Variants in NRDE2 observed in about 807,000 individuals in gnomAD.
NRDE2 encodes NRDE-2, necessary for RNA interference, domain containing.
Under a neutral mutation model 124.2 loss-of-function variants are expected in NRDE2, and 76 were observed. The observed-to-expected ratio is 0.61, with a 90% confidence interval of 0.51 to 0.74. The LOEUF (loss-of-function observed/expected upper bound fraction) is 0.74, where lower values mean the gene tolerates loss of function less well. NRDE2 is among the 30% of genes least tolerant of loss of function. The probability of loss-of-function intolerance (pLI) is 0.00; values close to 1 mark genes in which losing one functional copy is unlikely to be tolerated. For synonymous variants in NRDE2, 489 were observed against 528.1 expected (o/e 0.93, Z 1.01); for missense variants, 1,314 against 1,417.3 (o/e 0.93, Z 1.17).
At position 90,288,273 on chromosome 14, in the gene NRDE2, C is replaced by T; in HGVS notation, c.3102G>A (p.Trp1034Ter). The change falls in exon 11 of 14, where the codon TGG becomes TGA. Residue 1034 changes from tryptophan (W) to a stop codon, truncating the protein, a stop_gained. Coordinates refer to ENST00000354366, the MANE Select transcript of NRDE2 (RefSeq NM_017970.4). LOFTEE classifies it high-confidence loss of function. ...ITRSAKPLEP[W>*]LFAIEAEKLR... ...GTTTCTCAGCTTCAATTGCAAACAA[C>T]CAAGGCTCCAAGGGTTTGGCAGACC... 6.2e-7 allele frequency: 1 copy of T among 1,614,168 alleles called. No individual in the cohort carries two copies. Among genetic ancestry groups the T allele is most frequent in the South Asian group, 1.1e-5 (1 of 91,078 alleles).
intron 3 of NRDE2, among the ~76,000 whole-genome samples, chr14:90,314,659 T>A (rs1281748472): frequency 6.6e-6 from 1 of 152,178 alleles, no homozygotes. Context: ...ACAATTAAAG[T>A]AGCTTGCTTT....
At position 90,278,250 on chromosome 14, in the gene NRDE2, AAC is replaced by A. The variant is rs1891850752; in HGVS notation, c.*84_*85del. The A allele has an allele frequency of 4.6e-6, 7 of 1,521,980 alleles. No individual in the cohort carries two copies. Among genetic ancestry groups the A allele is most frequent in the Non-Finnish European group, 6.3e-6 (7 of 1,104,028 alleles). The allele number at this position is 1,521,980 out of a possible 1,614,324, so 94.3% of individuals were successfully genotyped here. ...AACATTTCAAAAGCCGAGTTCTCCT[AAC>A]ACACACGTTCTCTGCTCGCGCCTCC... On this transcript the variant is annotated 3_prime_UTR_variant, in exon 14 of 14. Transcript: ENST00000354366.
chr14:90,298,471 C>T, intron 7 of NRDE2, 91 bp from the exon 8 acceptor site: 1 of 1,265,944 alleles, frequency 7.9e-7, no homozygotes, highest in Admixed American at 1.8e-5. Flanking sequence ...ATAAGAGAAG[C>T]TTATGATCCT....
chr14:90,294,066 C>T (rs920884222), intron 8 of NRDE2, among the ~76,000 whole-genome samples: 1 of 152,144 alleles, frequency 6.6e-6, no homozygotes, highest in Admixed American at 6.5e-5. Context: ...GTAGGTTGAA[C>T]AGTTAAGCTG....
At chr14:90,291,791 C>T (rs1334070704) in intron 9 of NRDE2, among the ~76,000 whole-genome samples, 1 of 152,240 alleles carries the variant, frequency 6.6e-6, no homozygotes, top group African/African-American at 2.4e-5. Context: ...GGGGCCTTCA[C>T]TTGTGCTGAT....
At position 90,304,246 on chromosome 14, in the gene NRDE2, T is replaced by C. The variant is rs771192087; in HGVS notation, c.694A>G (p.Met232Val). The change falls in exon 5 of 14, where the codon ATG becomes GTG. Residue 232 changes from methionine (M) to valine (V), a missense_variant. Coordinates refer to ENST00000354366, the MANE Select transcript of NRDE2 (RefSeq NM_017970.4). ...RYFTKKSVGLMNIDGVAISSK... is the reference protein window; with the variant it reads ...RYFTKKSVGLVNIDGVAISSK... Reference sequence around the variant, plus strand: ...CTAATGGCAACTCCATCGATGTTCATTAATCCCACACTCTTCTTAGTAAAA... The same window carrying C: ...CTAATGGCAACTCCATCGATGTTCACTAATCCCACACTCTTCTTAGTAAAA... 5 of 1,614,170 alleles carry C rather than the reference T, an allele frequency of 3.1e-6. No individual in the cohort carries two copies. The highest frequency in any genetic ancestry group is 2.2e-5 in the East Asian group (1 of 44,882).
rs139768099 is a variant in NRDE2 at position 90,304,098 on chromosome 14, T to C, written c.842A>G (p.His281Arg). ...TGGAGGACCCTGTCCTTGTAGCCAA[T>C]GTGTGGTTGACTGATCATAAATCCC... ...PLGIYDQSTT[H>R]WLQGQGPPEQ... Residue 281 changes from histidine (H) to arginine (R), a missense_variant, in exon 5 of 14, where the codon CAT becomes CGT. His to Arg is a conservative substitution (Grantham distance 29, BLOSUM62 0). Transcript: ENST00000354366. 1.4e-5 allele frequency: 23 copies of C among 1,614,206 alleles called. No individual in the cohort carries two copies. The African/African-American group carries it at 2.5e-4, about 18-fold the overall frequency.
rs546656748 is a variant in NRDE2, at chr14:90,284,350, A to ATT, written c.3297+2002_3297+2003dup. ...AAGGAGGTCACTTTGTTTTTTTTCT[A>ATT]TTTTTTTTTTTTTTTTGAGACAGGG... is the stretch of plus-strand genomic sequence containing the variant. On this transcript the variant is annotated intron_variant, in intron 12 of 13. Coordinates refer to ENST00000354366, the MANE Select transcript of NRDE2 (RefSeq NM_017970.4). Among the ~76,000 whole-genome samples the ATT allele has an allele frequency of 8.7e-4, 117 of 134,412 alleles. 1 individual carries two copies. The highest frequency in any genetic ancestry group is 1.8e-3 in the Admixed American group (24 of 13,484). 88.2% of individuals were successfully genotyped at this position (134,412 alleles called of 152,430 possible).
intron 12 of NRDE2, among the ~76,000 whole-genome samples, chr14:90,282,477 C>CAA (rs112128427): frequency 0.02 from 2,638 of 135,190 alleles, 75 homozygotes; most frequent in African/African-American, 0.068. Context: ...GACCCTATCT[C>CAA]AAAAAAAAAA....
Position 90,268,488 on chromosome 14 carries a change from C to G in NRDE2, c.*9848G>C, listed in dbSNP as rs955657564. 10 of 1,394,066 alleles carry G rather than the reference C, an allele frequency of 7.2e-6. No individual in the cohort carries two copies. The highest frequency in any genetic ancestry group is 9.0e-6 in the Non-Finnish European group (9 of 998,108). 86.4% of individuals were successfully genotyped at this position (1,394,066 alleles called of 1,614,324 possible). A position where few individuals can be genotyped will look rare whatever the true frequency, so the allele number is the denominator to read the frequency against. ...AGCTCTTCTCTTGAGAATGAGCAAT[C>G]TCAGGGGGCTCTCCCTATGGCCACA... On this transcript the variant is annotated 3_prime_UTR_variant, in exon 14 of 14. Coordinates refer to ENST00000354366, the MANE Select transcript of NRDE2 (RefSeq NM_017970.4).
rs1049894968 is a variant in NRDE2 at position 90,277,486 on chromosome 14, T to C, written c.*850A>G. On this transcript the variant is annotated 3_prime_UTR_variant, in exon 14 of 14. Transcript: ENST00000354366. ...GCAGAACAAGTCTGAAAAATGGATG[T>C]TGACATTTCATTCTGTTCACAGCCC... 1 of 152,248 alleles carries C rather than the reference T, an allele frequency of 6.6e-6. No homozygotes were observed. Among genetic ancestry groups the C allele is most frequent in the Non-Finnish European group, 1.5e-5 (1 of 68,054 alleles). The allele number at this position is 152,248 out of a possible 1,614,324, so 9.4% of individuals were successfully genotyped here. A position where few individuals can be genotyped will look rare whatever the true frequency, so the allele number is the denominator to read the frequency against.
rs148914817 is a variant in NRDE2, at chr14:90,278,470, C to T, written c.3370-9G>A. 6.2e-7 allele frequency: 1 copy of T among 1,613,558 alleles called. No individual in the cohort carries two copies. The highest frequency in any genetic ancestry group is 1.1e-5 in the South Asian group (1 of 91,062). On this transcript the variant is annotated splice_polypyrimidine_tract_variant and intron_variant, in intron 13 of 13. Transcript: ENST00000354366. ...GCGTCCAGGTACAACACCTAGGGGG[C>T]AGGCAGGAAGGCCGCCCCACTCAGC... is the stretch of plus-strand genomic sequence containing the variant.
chr14:90,296,687 C>A (rs1884170640), intron 8 of NRDE2, among the ~76,000 whole-genome samples: 1 of 152,228 alleles, frequency 6.6e-6, no homozygotes, highest in Admixed American at 6.5e-5. Flanking sequence ...TTGTCCATCA[C>A]TCTTTCCCTA....
At chr14:90,278,872 G>T in intron 13 of NRDE2, 190 bp downstream of exon 13, 1 of 647,770 alleles carries the variant, frequency 1.5e-6, no homozygotes. Context: ...GCCCCAGGTA[G>T]GGCCAGGCTC....
intron 1 of NRDE2, among the ~76,000 whole-genome samples, chr14:90,328,382 T>C (rs1307287461): frequency 6.6e-6 from 1 of 151,806 alleles, no homozygotes; most frequent in Non-Finnish European, 1.5e-5. Context: ...GGTATCCCAA[T>C]AGTTCTTCAT....
At chr14:90,322,921 A>T (rs1885293352) in intron 1 of NRDE2, among the ~76,000 whole-genome samples, 1 of 152,256 alleles carries the variant, frequency 6.6e-6, no homozygotes, top group African/African-American at 2.4e-5. Flanking sequence ...AATACTAAGC[A>T]AGATGTAACA....
At chr14:90,330,539 C>T (rs564541917) in intron 1 of NRDE2, among the ~76,000 whole-genome samples, 1 of 152,288 alleles carries the variant, frequency 6.6e-6, no homozygotes, top group South Asian at 2.1e-4. Flanking sequence ...AGGACAAGCG[C>T]AGTGGCTCAT....
intron 7 of NRDE2, among the ~76,000 whole-genome samples, chr14:90,298,916 C>T (rs1884284313): frequency 1.3e-5 from 2 of 152,214 alleles, no homozygotes; most frequent in Admixed American, 6.5e-5. Context: ...CTACGTGACA[C>T]AACCATATCT....
At chr14:90,327,328 C>G (rs1885477267) in intron 1 of NRDE2, among the ~76,000 whole-genome samples, 1 of 151,960 alleles carries the variant, frequency 6.6e-6, no homozygotes, top group East Asian at 1.9e-4. Context: ...GGCGGGAGCA[C>G]TGCTTGAGGC....
Sources: allele counts gnomAD v4.1 joint callset (sites outside exome capture counted in the v4.1 genomes callset), GRCh38; gene constraint gnomAD v4.1.1; transcripts MANE v1.5; gene names NCBI Gene and HGNC (gene_info 2026-07-23, HGNC 2026-07-21).